CCDC3: variants seen among roughly 807,000 people sequenced by gnomAD.
The protein encoded by CCDC3 is coiled-coil domain-containing protein 3.
CCDC3 carries 24 observed loss-of-function variants against 21.4 expected under a neutral mutation model. That is an observed-to-expected ratio of 1.12 (90% confidence interval 0.81 to 1.58). The LOEUF is 1.58. Among genes scored for constraint, CCDC3 ranks in the 40% most tolerant of loss-of-function variants. CCDC3 has a pLI of 0.00. For missense variants in CCDC3, 425 were observed against 360.9 expected (o/e 1.18, Z -1.44); for synonymous variants, 186 against 166.0 (o/e 1.12, Z -0.93).
intron 2 of CCDC3, among the ~76,000 whole-genome samples, chr10:12,952,424 G>A (rs1047176601): frequency 7.2e-5 from 11 of 152,192 alleles, no homozygotes; most frequent in Non-Finnish European, 5.9e-5. Flanking sequence ...AGGTGCAAAT[G>A]AATATACTCA....
Position 13,001,465 on chromosome 10 carries a change from G to A in CCDC3, c.106C>T (p.Arg36Cys). Residue 36 changes from arginine to cysteine, a missense_variant, in exon 1 of 3, where the codon CGC (arginine) becomes TGC (cysteine). Arg to Cys is a radical substitution (Grantham distance 180). Coordinates refer to ENST00000378825, the MANE Select transcript of CCDC3 (RefSeq NM_031455.4). ...SEWRPLSEGC[R>C]AELAETIVYA... ...ACGATGGTCTCGGCCAGCTCGGCGC[G>A]GCAGCCCTCGCTCAGGGGCCTCCAC... 1 of 1,428,674 alleles carries A rather than the reference G, an allele frequency of 7.0e-7. No homozygotes were observed. The highest frequency in any genetic ancestry group is 9.2e-7 in the Non-Finnish European group (1 of 1,092,010). The allele number at this position is 1,428,674 out of a possible 1,614,324, so 88.5% of individuals were successfully genotyped here. A position where few individuals can be genotyped will look rare whatever the true frequency, so the allele number is the denominator to read the frequency against.
chr10:13,029,751 A>C lies in CCDC3; in HGVS notation c.-2+19923T>G, dbSNP rs141962573. On this transcript the variant is annotated intron_variant, in intron 5 of 6. Transcript: ENST00000378839. The stretch of plus-strand genomic sequence containing the variant: ...GAAGAAAGGGTATCAGTGATTGAAG[A>C]TCAAATGAATCAAACGAAGCGAGAA... Among the ~76,000 whole-genome samples, 20 of 152,312 alleles carry C rather than the reference A, an allele frequency of 1.3e-4. No homozygotes were observed. In the East Asian group the frequency reaches 3.7e-3, roughly 28 times the overall value.
intron 5 of CCDC3, among the ~76,000 whole-genome samples, chr10:13,041,523 T>A (rs1836455504): frequency 8.5e-6 from 1 of 117,458 alleles, no homozygotes; most frequent in Non-Finnish European, 1.7e-5. Context: ...TTTTTTTTTT[T>A]TTTTTTTTTT....
chr10:12,982,349 A>G (rs945086024), intron 2 of CCDC3, among the ~76,000 whole-genome samples: 9 of 152,012 alleles, frequency 5.9e-5, no homozygotes, highest in African/African-American at 2.2e-4. Flanking sequence ...AGAGGTGAGG[A>G]CTTAGCTGGG....
At chr10:12,933,250 T>C (rs1424522853) in intron 2 of CCDC3, among the ~76,000 whole-genome samples, 3 of 152,208 alleles carry the variant, frequency 2.0e-5, no homozygotes, top group African/African-American at 7.2e-5. Flanking sequence ...ACGTGTTCAG[T>C]AGCATTTACC....
intron 4 of CCDC3, among the ~76,000 whole-genome samples, chr10:13,064,265 C>A (rs1588412203): frequency 6.6e-6 from 1 of 152,178 alleles, no homozygotes; most frequent in East Asian, 1.9e-4. Flanking sequence ...CCTCTCAGTT[C>A]ATCCTCAAAC....
At chr10:13,016,305 T>A (rs574336931) in intron 5 of CCDC3, among the ~76,000 whole-genome samples, 1 of 150,880 alleles carries the variant, frequency 6.6e-6, no homozygotes, top group African/African-American at 2.4e-5. Context: ...GATTTTCTTT[T>A]TCCCCTTTGC....
chr10:13,036,263 GC>G (rs1045796824), intron 5 of CCDC3, among the ~76,000 whole-genome samples: 5 of 152,126 alleles, frequency 3.3e-5, no homozygotes, highest in African/African-American at 1.2e-4. Flanking sequence ...CCTGAGTCCT[GC>G]CCTATCTCTT....
intron 5 of CCDC3, among the ~76,000 whole-genome samples, chr10:13,016,138 C>G (rs1589040946): frequency 6.6e-6 from 1 of 151,868 alleles, no homozygotes; most frequent in Admixed American, 6.6e-5. Context: ...TAGAGCTTAT[C>G]TGCTACTGTT....
At chr10:12,944,672 C>T (rs1432846036) in intron 2 of CCDC3, among the ~76,000 whole-genome samples, 1 of 152,182 alleles carries the variant, frequency 6.6e-6, no homozygotes, top group South Asian at 2.1e-4. Context: ...TGATTGAAAC[C>T]TGTCTCAGAC....
chr10:13,041,504 A>AT lies in CCDC3; in HGVS notation c.-2+8169dup, dbSNP rs71477255. Among the ~76,000 whole-genome samples the AT allele has an allele frequency of 6.4e-4, 40 of 62,114 alleles. 9 individuals carry two copies. Among genetic ancestry groups the AT allele is most frequent in the African/African-American group, 2.6e-3 (32 of 12,290 alleles). The allele number at this position is 62,114 out of a possible 152,430, so 40.7% of individuals were successfully genotyped here. On this transcript the variant is annotated intron_variant, in intron 5 of 6. Coordinates refer to the CCDC3 transcript ENST00000378839. ...GTTCACTCCAAGTGTCTGGCAGATAATTTTTTTTTTTTTTTTTTTTTTTTT... is the reference window on the plus strand; with the variant it reads ...GTTCACTCCAAGTGTCTGGCAGATAATTTTTTTTTTTTTTTTTTTTTTTTTT...
In CCDC3 at chr10:13,072,671, GT is replaced by G. The variant is rs993997965; in HGVS notation, c.-270+1196del. ...ATAGGACTCCATCTCACTTTGCTGA[GT>G]TTTTTCTTTTTTTTTCCCCCTTTTG... is the stretch of plus-strand genomic sequence containing the variant. On this transcript the variant is annotated intron_variant, in intron 4 of 6. Coordinates refer to the CCDC3 transcript ENST00000378839. 9.1e-5 allele frequency among the ~76,000 whole-genome samples: 13 copies of G among 142,560 alleles called. No individual in the cohort carries two copies. In the East Asian group the frequency reaches 2.8e-3, roughly 31 times the overall value. 93.5% of individuals were successfully genotyped at this position (142,560 alleles called of 152,430 possible).
intron 2 of CCDC3, among the ~76,000 whole-genome samples, chr10:12,934,462 C>T (rs970511937): frequency 6.6e-6 from 1 of 152,152 alleles, no homozygotes; most frequent in Non-Finnish European, 1.5e-5. Context: ...CAATTACATC[C>T]AGTTGACTGA....
chr10:12,952,151 G>A (rs1229287692), intron 2 of CCDC3, among the ~76,000 whole-genome samples: 1 of 152,186 alleles, frequency 6.6e-6, no homozygotes, highest in East Asian at 1.9e-4. Context: ...AGGCTCATGT[G>A]GTTCTCCCCA....
Position 13,032,658 on chromosome 10 carries a change from T to C in CCDC3, c.-2+17016A>G, listed in dbSNP as rs537259732. On this transcript the variant is annotated intron_variant, in intron 5 of 6. Coordinates refer to the CCDC3 transcript ENST00000378839. The stretch of plus-strand genomic sequence containing the variant: ...TTCAGCAAAGTCTCAAGATGCAAGA[T>C]CAATGTGCAAAAATCACAAGCATTC... Among the ~76,000 whole-genome samples the C allele has an allele frequency of 3.9e-5, 6 of 152,260 alleles. No individual in the cohort carries two copies. The South Asian group carries it at 1.2e-3, about 32-fold the overall frequency.
chr10:13,047,561 C>A (rs1187723670), intron 5 of CCDC3, among the ~76,000 whole-genome samples: 1 of 152,082 alleles, frequency 6.6e-6, no homozygotes, highest in Non-Finnish European at 1.5e-5. Flanking sequence ...GCAAAATTTC[C>A]CAAACTAACC....
chr10:12,906,815 A>G (rs149809261), intron 2 of CCDC3, among the ~76,000 whole-genome samples: 133 of 152,208 alleles, frequency 8.7e-4, no homozygotes, highest in African/African-American at 3.1e-3. Context: ...AGGACACACA[A>G]AGCTTTTGTG....
intron 4 of CCDC3, among the ~76,000 whole-genome samples, chr10:13,057,471 A>G (rs1485894225): frequency 6.6e-6 from 1 of 151,902 alleles, no homozygotes; most frequent in Non-Finnish European, 1.5e-5. Context: ...GTTTTCTTAA[A>G]AAAAAAAATC....
rs66476163 is a variant in CCDC3, at chr10:13,090,034, GATATATATATATATATAT to G, written c.-503+8473_-503+8490del. On this transcript the variant is annotated intron_variant, in intron 3 of 6. Transcript: ENST00000378839. ...TTTATGGCTGAGTAGTATTCCGTTA[GATATATATATATATATAT>G]ATATATATATATATATATATATATA... Among the ~76,000 whole-genome samples the G allele has an allele frequency of 5.0e-3, 641 of 129,130 alleles. 32 individuals carry two copies. Among genetic ancestry groups the G allele is most frequent in the African/African-American group, 0.018 (579 of 32,880 alleles). 84.7% of individuals were successfully genotyped at this position (129,130 alleles called of 152,430 possible).
Sources: allele counts gnomAD v4.1 joint callset (sites outside exome capture counted in the v4.1 genomes callset), GRCh38; gene constraint gnomAD v4.1.1; transcripts MANE v1.5; gene names NCBI Gene and HGNC (gene_info 2026-07-23, HGNC 2026-07-21).